EEF1D: variants seen among roughly 807,000 people sequenced by gnomAD.
The protein encoded by EEF1D is eukaryotic translation elongation factor 1 delta.
In EEF1D, 47 loss-of-function variants were observed where a neutral mutation model predicts 63.9. The ratio of observed to expected loss-of-function variants is 0.74; its 90% CI spans 0.58 to 0.94. The LOEUF is 0.94. Among genes scored for constraint, EEF1D ranks in the 40% least tolerant of loss-of-function variants. The pLI, the probability that EEF1D is intolerant of heterozygous loss-of-function variation, is 0.00. For missense variants in EEF1D, 907 were observed against 899.0 expected (o/e 1.01, Z -0.11); for synonymous variants, 412 against 386.1 (o/e 1.07, Z -0.79).
intron 3 of EEF1D, chr8:143,587,208 C>T (rs578055331): frequency 2.8e-5 from 5 of 179,278 alleles, no homozygotes; most frequent in Admixed American, 6.2e-5. Flanking sequence ...TCAAGCAAGG[C>T]CATTCTGCTC....
intron 1 of EEF1D, among the ~76,000 whole-genome samples, chr8:143,593,149 C>T (rs1563993471): frequency 1.3e-5 from 2 of 152,250 alleles, no homozygotes; most frequent in South Asian, 4.1e-4. Flanking sequence ...CAAGGACCCT[C>T]AAGGGGGAGG....
chr8:143,586,506 G>A (rs912728178), intron 4 of EEF1D, among the ~76,000 whole-genome samples: 2 of 152,200 alleles, frequency 1.3e-5, no homozygotes. Flanking sequence ...GCCAGGCCTG[G>A]CCCCACACCA....
chr8:143,581,811 C>A (rs561090651), intron 5 of EEF1D: 2 of 163,070 alleles, frequency 1.2e-5, no homozygotes, highest in East Asian at 1.8e-4. Context: ...CTGGGCCTCA[C>A]GCCTGCCATC....
In EEF1D at chr8:143,580,618, T is replaced by C; in HGVS notation, c.1598A>G (p.Glu533Gly). The part of the protein sequence containing the change: ...IDLFGSDNEE[E>G]DKEAAQLREE... ...CCGCAGCTGTGCCGCCTCCTTGTCC[T>C]CCTCCTCATTGTCACTGCCAAACAG... The change falls in exon 8 of 10, where the codon GAG becomes GGG. Residue 533 changes from glutamate (E) to glycine (G), a missense_variant. Transcript: ENST00000618139. 6.2e-7 allele frequency: 1 copy of C among 1,613,846 alleles called. No homozygotes were observed.
intron 1 of EEF1D, among the ~76,000 whole-genome samples, chr8:143,595,052 T>C (rs10097491): frequency 0.8 from 121,062 of 151,626 alleles, 50,153 homozygotes; most frequent in Non-Finnish European, 0.92. Flanking sequence ...ACTACAGGCA[T>C]GCGCAACCAC....
At chr8:143,580,919 C>T in intron 7 of EEF1D, 135 bp downstream of exon 7, 1 of 1,195,652 alleles carries the variant, frequency 8.4e-7, no homozygotes, top group Non-Finnish European at 1.2e-6. Flanking sequence ...AACTGTAAAC[C>T]TTCCTGGGGA....
chr8:143,591,479 C>T (rs1827944676), intron 2 of EEF1D, among the ~76,000 whole-genome samples: 1 of 152,224 alleles, frequency 6.6e-6, no homozygotes, highest in Admixed American at 6.5e-5. Context: ...CACCCCAGCC[C>T]GCGCTCAGCC....
At position 143,580,522 on chromosome 8, in the gene EEF1D, A is replaced by C; in HGVS notation, c.1694T>G (p.Leu565Arg). The C allele has an allele frequency of 1.2e-6, 2 of 1,612,582 alleles. No homozygotes were observed. Among genetic ancestry groups the C allele is most frequent in the Non-Finnish European group, 1.7e-6 (2 of 1,179,710 alleles). Residue 565 changes from leucine to arginine, a missense_variant, in exon 8 of 10, where the codon CTG (leucine) becomes CGG (arginine). Leu to Arg is a moderately radical substitution (Grantham distance 102). Coordinates refer to ENST00000618139, the MANE Select transcript of EEF1D (RefSeq NM_001130053.5). ...CCCACTCACAGGCTTGACATCCAGC[A>C]GGATGGAGGACTTGGCCACCAGTGC... ...KPALVAKSSI[L>R]LDVKPWDDET...
At position 143,580,114 on chromosome 8, in the gene EEF1D, G is replaced by A. The variant is rs773155460; in HGVS notation, c.1803C>T (p.Pro601=). 103 of 1,613,790 alleles carry A rather than the reference G, an allele frequency of 6.4e-5. No individual in the cohort carries two copies. The highest frequency in any genetic ancestry group is 1.1e-4 in the South Asian group (10 of 91,076). ...GLVWGASKLV[P]VGYGIRKLQI... is the part of the protein sequence containing the mutation. ...GTAGCTTCCGGATACCGTAGCCCAC[G>A]GGCACCAGCTTGGAAGCCCCCCAGA... Residue 601 remains proline (P), a synonymous_variant, in exon 9 of 10, where the codon CCC becomes CCT. Transcript: ENST00000618139.
At chr8:143,585,038 T>G (rs1293499556) in intron 5 of EEF1D, among the ~76,000 whole-genome samples, 1 of 152,118 alleles carries the variant, frequency 6.6e-6, no homozygotes, top group Admixed American at 6.6e-5. Flanking sequence ...AGGGACACTG[T>G]GGGGGACCCA....
intron 2 of EEF1D, chr8:143,592,143 G>C: frequency 5.1e-6 from 5 of 985,542 alleles, no homozygotes; most frequent in Non-Finnish European, 6.0e-6. Context: ...TGGGGTGGGA[G>C]CAAGAGCCCA....
chr8:143,586,826 G>A lies in EEF1D; in HGVS notation c.1118C>T (p.Ala373Val). 6.2e-7 allele frequency: 1 copy of A among 1,614,132 alleles called. No individual in the cohort carries two copies. Among genetic ancestry groups the A allele is most frequent in the Non-Finnish European group, 8.5e-7 (1 of 1,179,958 alleles). ...CTTGTCGAACCAGATCTTCTCATGTGCTAGGAAGTTTGTAGCCATTTTTCT... is the reference window on the plus strand; with the variant it reads ...CTTGTCGAACCAGATCTTCTCATGTACTAGGAAGTTTGTAGCCATTTTTCT... ...PNRKMATNFL[A>V]HEKIWFDKFK... Residue 373 changes from alanine to valine, a missense_variant, in exon 4 of 10, where the codon GCA (alanine) becomes GTA (valine). Transcript: ENST00000618139.
At chr8:143,591,487 G>T (rs1272537403) in intron 2 of EEF1D, among the ~76,000 whole-genome samples, 1 of 152,214 alleles carries the variant, frequency 6.6e-6, no homozygotes, top group East Asian at 1.9e-4. Context: ...CCCGCGCTCA[G>T]CCTGCGATAG....
Position 143,589,089 on chromosome 8 carries a change from A to G in EEF1D, c.993T>C (p.Ala331=). 1 of 1,609,900 alleles carries G rather than the reference A, an allele frequency of 6.2e-7. No individual in the cohort carries two copies. The highest frequency in any genetic ancestry group is 8.5e-7 in the Non-Finnish European group (1 of 1,179,274). Residue 331 remains alanine, a synonymous_variant, in exon 3 of 10, where the codon GCT becomes GCC. Transcript: ENST00000618139. ...AYDSAECRHH[A]AEALRVAWCL... ...ACCAGGCCACCCGCAGGGCCTCGGC[A>G]GCGTGGTGGCGGCACTCGGCGCTGT...
chr8:143,594,028 A>G, intron 1 of EEF1D: 1 of 561,354 alleles, frequency 1.8e-6, no homozygotes, highest in Non-Finnish European at 2.3e-6. Flanking sequence ...ACAAACGGTC[A>G]GCCCCTTCGC....
rs140890236 is a variant in EEF1D at position 143,586,788 on chromosome 8, C to T, written c.1156G>A (p.Asp386Asn). 8.9e-5 allele frequency: 143 copies of T among 1,614,178 alleles called. No individual in the cohort carries two copies. The African/African-American group carries it at 1.0e-3, about 12-fold the overall frequency. Reference sequence around the variant, plus strand: ...TGCTCGTAGAATCTCCTTTCTGCGTCGTCATATTTGAACTTGTCGAACCAG... The same window carrying T: ...TGCTCGTAGAATCTCCTTTCTGCGTTGTCATATTTGAACTTGTCGAACCAG... ...KIWFDKFKYD[D>N]AERRFYEQMN... is the part of the protein sequence containing the mutation. The change falls in exon 4 of 10, where the codon GAC (aspartate) becomes AAC (asparagine). Residue 386 changes from aspartate (D) to asparagine (N), a missense_variant. Coordinates refer to ENST00000618139, the MANE Select transcript of EEF1D (RefSeq NM_001130053.5).
At chr8:143,587,072 G>A (rs1459409863) in intron 3 of EEF1D, 6 of 504,214 alleles carry the variant, frequency 1.2e-5, no homozygotes, top group Non-Finnish European at 1.7e-5. Context: ...ACCTCTGAGG[G>A]TCCCCAGGCC....
intron 2 of EEF1D, 81 bp from the exon 3 acceptor site, chr8:143,590,162 C>A: frequency 6.3e-7 from 1 of 1,576,712 alleles, no homozygotes; most frequent in East Asian, 2.3e-5. Context: ...CCCACCCTCC[C>A]CGTGCCCGCC....
chr8:143,591,696 A>G (rs1473589673), intron 2 of EEF1D, among the ~76,000 whole-genome samples: 2 of 152,248 alleles, frequency 1.3e-5, no homozygotes, highest in South Asian at 2.1e-4. Context: ...GGGCACCGTG[A>G]CTGGGACCAC....
Sources: allele counts gnomAD v4.1 joint callset (sites outside exome capture counted in the v4.1 genomes callset), GRCh38; gene constraint gnomAD v4.1.1; transcripts MANE v1.5; gene names NCBI Gene and HGNC (gene_info 2026-07-23, HGNC 2026-07-21).